Variants in RIC1 observed in about 807,000 individuals in gnomAD.
The protein encoded by RIC1 is RIC1 partner of RAB6A GEF complex.
A neutral mutation model predicts 169.0 loss-of-function variants in RIC1; 88 were observed. The observed-to-expected ratio is 0.52, with a 90% confidence interval of 0.44 to 0.62. RIC1 has a LOEUF of 0.62. RIC1 is among the 20% of genes least tolerant of loss of function. RIC1 has a pLI of 0.00. For missense variants in RIC1, 1,877 were observed against 1,725.5 expected (o/e 1.09, Z -1.56); for synonymous variants, 790 against 601.5 (o/e 1.31, Z -4.59).
At chr9:5,754,042 G>A (rs543572539) in intron 14 of RIC1, among the ~76,000 whole-genome samples, 133 of 152,268 alleles carry the variant, frequency 8.7e-4, no homozygotes, top group South Asian at 2.3e-3. Context: ...ATGTGTATGT[G>A]TGTGTACATA....
chr9:5,740,888 C>T (rs1203429074), intron 8 of RIC1, among the ~76,000 whole-genome samples: 1 of 152,110 alleles, frequency 6.6e-6, no homozygotes, highest in East Asian at 1.9e-4. Context: ...TTTAACTATT[C>T]ATGTTGACTT....
At chr9:5,694,541 C>T (rs1256462787) in intron 3 of RIC1, among the ~76,000 whole-genome samples, 1 of 152,174 alleles carries the variant, frequency 6.6e-6, no homozygotes, top group Admixed American at 6.5e-5. Context: ...TACTACTGAA[C>T]TTTGCATATT....
At chr9:5,677,476 C>G (rs1820521129) in intron 2 of RIC1, among the ~76,000 whole-genome samples, 1 of 152,028 alleles carries the variant, frequency 6.6e-6, no homozygotes. Context: ...TCTTTTGCAC[C>G]TTTGTCAAAA....
intron 8 of RIC1, among the ~76,000 whole-genome samples, chr9:5,739,783 C>T (rs1824955057): frequency 6.6e-6 from 1 of 152,140 alleles, no homozygotes. Context: ...AAAAAAGGTT[C>T]ACCAGAGTTT....
In RIC1 at chr9:5,772,565, T is replaced by G. The variant is rs754602568; in HGVS notation, c.3618T>G (p.Gly1206=). 1 of 1,584,934 alleles carries G rather than the reference T, an allele frequency of 6.3e-7. No individual in the cohort carries two copies. Among genetic ancestry groups the G allele is most frequent in the African/African-American group, 1.4e-5 (1 of 73,608 alleles). Residue 1206 remains glycine, a splice_region_variant and synonymous_variant, in exon 24 of 26, where the codon GGT becomes GGG. Coordinates refer to ENST00000414202, the MANE Select transcript of RIC1 (RefSeq NM_020829.4). The stretch of plus-strand genomic sequence containing the variant: ...TAACTTTTGGCAATTCTTCATCAGG[T>G]GATGAATGCAGTATTGGTTCAGCCA... ...DAFLSPLSNK[G]DECSIGSATD... is the part of the protein sequence containing the mutation.
At chr9:5,765,307 G>T in intron 19 of RIC1, 107 bp from the exon 20 acceptor site, 1 of 1,166,760 alleles carries the variant, frequency 8.6e-7, no homozygotes, top group East Asian at 2.4e-5. Context: ...TAACCCCTGT[G>T]GTGGTGTGGC....
intron 1 of RIC1, among the ~76,000 whole-genome samples, chr9:5,645,444 G>T (rs7864377): frequency 4.9e-4 from 74 of 152,314 alleles, no homozygotes; most frequent in African/African-American, 1.8e-3. Flanking sequence ...AAGTTCTGCA[G>T]CATTAAGTAC....
At chr9:5,645,567 A>T (rs1818464750) in intron 1 of RIC1, among the ~76,000 whole-genome samples, 1 of 152,276 alleles carries the variant, frequency 6.6e-6, no homozygotes, top group African/African-American at 2.4e-5. Context: ...TTCTCATCCC[A>T]TCAGTCCCTG....
chr9:5,696,566 A>T (rs559294950), intron 3 of RIC1, among the ~76,000 whole-genome samples: 7 of 152,198 alleles, frequency 4.6e-5, no homozygotes, highest in Non-Finnish European at 7.3e-5. Context: ...TGTTTTAAAA[A>T]TTTACACTAC....
In RIC1 at chr9:5,753,194, C is replaced by G. The variant is rs775259283; in HGVS notation, c.1453-6C>G. 6.2e-7 allele frequency: 1 copy of G among 1,609,778 alleles called. No homozygotes were observed. Among genetic ancestry groups the G allele is most frequent in the Non-Finnish European group, 8.5e-7 (1 of 1,176,182 alleles). On this transcript the variant is annotated splice_region_variant and splice_polypyrimidine_tract_variant and intron_variant, in intron 12 of 25. Coordinates refer to ENST00000414202, the MANE Select transcript of RIC1 (RefSeq NM_020829.4). ...TTTTACCAATCTGATGTGTTATTTT[C>G]TATAGATTTCCAGCACCTATCTAGA...
At chr9:5,737,239 G>A (rs980115737) in intron 7 of RIC1, among the ~76,000 whole-genome samples, 10 of 148,470 alleles carry the variant, frequency 6.7e-5, no homozygotes, top group Admixed American at 2.0e-4. Flanking sequence ...TGGCTTAGAC[G>A]TATTATAGAG....
intron 4 of RIC1, chr9:5,719,507 G>C (rs900449514): frequency 6.6e-6 from 1 of 152,190 alleles, no homozygotes; most frequent in Non-Finnish European, 1.5e-5. Flanking sequence ...ACCTGTCACA[G>C]AGGATAGGCT....
At chr9:5,694,757 G>A (rs537556641) in intron 3 of RIC1, among the ~76,000 whole-genome samples, 12 of 150,064 alleles carry the variant, frequency 8.0e-5, no homozygotes, top group Admixed American at 1.3e-4. Flanking sequence ...GTCTCAATGT[G>A]TGATAATATA....
intron 1 of RIC1, among the ~76,000 whole-genome samples, chr9:5,644,108 A>G (rs1253750421): frequency 6.6e-6 from 1 of 152,226 alleles, no homozygotes; most frequent in Non-Finnish European, 1.5e-5. Context: ...ATAAAAATAC[A>G]TCTAAGTGTA....
intron 15 of RIC1, 45 bp downstream of exon 15, chr9:5,754,975 C>A: frequency 3.3e-6 from 4 of 1,225,204 alleles, no homozygotes; most frequent in Non-Finnish European, 2.3e-6. Context: ...TATTTTAAAG[C>A]TATTAAGCAT....
intron 19 of RIC1, 36 bp from the exon 20 acceptor site, chr9:5,765,378 G>T (rs770513413): frequency 1.9e-6 from 3 of 1,591,136 alleles, no homozygotes; most frequent in East Asian, 4.5e-5. Flanking sequence ...AAATTGTGTA[G>T]TATAAAAAGA....
At chr9:5,766,134 C>T (rs768440136) in intron 21 of RIC1, among the ~76,000 whole-genome samples, 17 of 152,302 alleles carry the variant, frequency 1.1e-4, no homozygotes, top group Non-Finnish European at 1.9e-4. Context: ...CTCCGCCTTA[C>T]AGGTTCAAGC....
chr9:5,641,829 A>G (rs1586866261), intron 1 of RIC1, among the ~76,000 whole-genome samples: 2 of 144,162 alleles, frequency 1.4e-5, no homozygotes, highest in South Asian at 2.1e-4. Context: ...TCTCTGTGTT[A>G]TCTTCAATTT....
intron 17 of RIC1, among the ~76,000 whole-genome samples, chr9:5,762,290 G>A (rs1826389603): frequency 6.6e-6 from 1 of 152,082 alleles, no homozygotes; most frequent in South Asian, 2.1e-4. Flanking sequence ...AGCTTTTTCA[G>A]GATAATTCAA....
Sources: gnomAD v4.1 joint callset for allele counts (sites outside exome capture counted in the v4.1 genomes callset) on GRCh38, gnomAD v4.1.1 for gene constraint, MANE v1.5 for transcripts, NCBI Gene and HGNC (gene_info 2026-07-23, HGNC 2026-07-21) for gene names.